SHLD2: variants seen among roughly 807,000 people sequenced by gnomAD.
SHLD2 encodes RINN1-REV7-interacting novel NHEJ regulator 2.
SHLD2 carries 30 observed loss-of-function variants against 73.2 expected under a neutral mutation model. The ratio of observed to expected loss-of-function variants is 0.41; its 90% CI spans 0.31 to 0.56. SHLD2 has a LOEUF of 0.56. Ranked by LOEUF, SHLD2 falls within the 20% of genes least tolerant of loss-of-function variation. The probability of loss-of-function intolerance (pLI) is 0.28; values close to 1 mark genes in which losing one functional copy is unlikely to be tolerated. For synonymous variants in SHLD2, 285 were observed against 370.1 expected, an observed-to-expected ratio of 0.77 and a Z score of 2.64; for missense variants, 745 against 1,055.9, an observed-to-expected ratio of 0.71 and a Z score of 4.08.
intron 3 of SHLD2, among the ~76,000 whole-genome samples, chr10:87,155,093 C>T (rs765280940): frequency 2.0e-5 from 3 of 152,074 alleles, no homozygotes; most frequent in African/African-American, 7.3e-5. Flanking sequence ...TGCCACCGCG[C>T]GCGGCTAATT....
chr10:87,189,039 T>C (rs1239604792), intron 9 of SHLD2, among the ~76,000 whole-genome samples: 3 of 151,720 alleles, frequency 2.0e-5, no homozygotes, highest in Admixed American at 6.6e-5. Flanking sequence ...TTTGCTCTTG[T>C]TGCCTAGACT....
At chr10:87,100,479 GT>G (rs140323729) in intron 2 of SHLD2, among the ~76,000 whole-genome samples, 195 of 138,734 alleles carry the variant, frequency 1.4e-3, no homozygotes, top group Admixed American at 2.4e-3. Flanking sequence ...GATTACGCCA[GT>G]TTTTTTTTTT....
intron 2 of SHLD2, among the ~76,000 whole-genome samples, chr10:87,143,081 C>T (rs1429983917): frequency 6.6e-6 from 1 of 151,722 alleles, no homozygotes; most frequent in Admixed American, 6.6e-5. Context: ...AGGCACATAC[C>T]ACCCTACCCA....
chr10:87,129,794 T>C (rs1028587552), intron 2 of SHLD2, among the ~76,000 whole-genome samples: 88 of 151,884 alleles, frequency 5.8e-4, no homozygotes, highest in African/African-American at 2.0e-3. Flanking sequence ...CTAACTTTTT[T>C]GATTTTTAGT....
chr10:87,107,519 A>G (rs1316376436), intron 2 of SHLD2, among the ~76,000 whole-genome samples: 1 of 152,248 alleles, frequency 6.6e-6, no homozygotes, highest in Non-Finnish European at 1.5e-5. Flanking sequence ...AAAAGAAGAA[A>G]CATTTAAACT....
intron 8 of SHLD2, among the ~76,000 whole-genome samples, chr10:87,186,350 G>A (rs1465627045): frequency 9.9e-5 from 15 of 152,162 alleles, no homozygotes; most frequent in Non-Finnish European, 1.9e-4. Context: ...TTATAAAATA[G>A]GTACCACATG....
At chr10:87,112,646 ATGAT>A (rs1843001007) in intron 2 of SHLD2, among the ~76,000 whole-genome samples, 1 of 151,684 alleles carries the variant, frequency 6.6e-6, no homozygotes, top group Non-Finnish European at 1.5e-5. Flanking sequence ...AAAATAATAA[ATGAT>A]AATAATAATA....
chr10:87,167,198 G>A (rs1329143499), intron 4 of SHLD2, among the ~76,000 whole-genome samples: 2 of 152,064 alleles, frequency 1.3e-5, no homozygotes, highest in East Asian at 1.9e-4. Context: ...ACAAAATTCT[G>A]GATGGAGAAT....
chr10:87,099,108 A>G (rs988447291), intron 2 of SHLD2, among the ~76,000 whole-genome samples: 1 of 152,226 alleles, frequency 6.6e-6, no homozygotes, highest in African/African-American at 2.4e-5. Context: ...GTAATTTCCC[A>G]TTCAAACGAA....
At chr10:87,159,839 G>T (rs778287303) in intron 4 of SHLD2, among the ~76,000 whole-genome samples, 5 of 152,114 alleles carry the variant, frequency 3.3e-5, no homozygotes, top group Admixed American at 2.0e-4. Context: ...ATGTTTCAAG[G>T]CATGTTAAGT....
intron 2 of SHLD2, among the ~76,000 whole-genome samples, chr10:87,112,565 G>T (rs534877205): frequency 6.6e-6 from 1 of 151,708 alleles, no homozygotes; most frequent in Non-Finnish European, 1.5e-5. Flanking sequence ...AGCCTGTGCC[G>T]TCGAGGCTGC....
intron 2 of SHLD2, among the ~76,000 whole-genome samples, chr10:87,148,843 T>C (rs1036664799): frequency 5.9e-5 from 9 of 151,964 alleles, no homozygotes; most frequent in Non-Finnish European, 1.2e-4. Flanking sequence ...ATGGTAATGT[T>C]ATGCATTTGA....
At chr10:87,115,136 C>T (rs186897243) in intron 2 of SHLD2, among the ~76,000 whole-genome samples, 9 of 152,208 alleles carry the variant, frequency 5.9e-5, no homozygotes, top group Admixed American at 2.0e-4. Context: ...CTGCAACCTC[C>T]GCCTCCGGGG....
intron 2 of SHLD2, among the ~76,000 whole-genome samples, chr10:87,120,134 A>T (rs1347958025): frequency 2.0e-5 from 3 of 152,102 alleles, no homozygotes; most frequent in Admixed American, 1.3e-4. Flanking sequence ...AACTTCGGTA[A>T]CCTTGAAGGT....
At chr10:87,167,828 A>G (rs1217873859) in intron 4 of SHLD2, among the ~76,000 whole-genome samples, 1 of 152,080 alleles carries the variant, frequency 6.6e-6, no homozygotes, top group Non-Finnish European at 1.5e-5. Context: ...TATTTTTTGT[A>G]GAGACCAGGT....
intron 3 of SHLD2, among the ~76,000 whole-genome samples, chr10:87,157,323 A>G (rs1346712940): frequency 2.0e-5 from 3 of 152,158 alleles, no homozygotes; most frequent in Non-Finnish European, 4.4e-5. Flanking sequence ...ACATTATTTC[A>G]CTATTGTTAA....
chr10:87,096,173 T>A (rs1041621125), intron 1 of SHLD2, among the ~76,000 whole-genome samples: 4 of 151,740 alleles, frequency 2.6e-5, no homozygotes, highest in African/African-American at 9.7e-5. Flanking sequence ...AGCCTCGGGG[T>A]AGCTGGGATT....
chr10:87,102,765 A>G (rs1197356603), intron 2 of SHLD2, among the ~76,000 whole-genome samples: 2 of 152,242 alleles, frequency 1.3e-5, no homozygotes, highest in East Asian at 1.9e-4. Flanking sequence ...CGGTTTCCCT[A>G]TGTTGCCTAG....
rs570011361 is a variant in SHLD2, at chr10:87,140,222, C to A, written c.-5-11128C>A. Among the ~76,000 whole-genome samples, 9 of 151,918 alleles carry A rather than the reference C, an allele frequency of 5.9e-5. No homozygotes were observed. In the East Asian group the frequency reaches 1.2e-3, roughly 20 times the overall value. On this transcript the variant is annotated intron_variant, in intron 2 of 9. Transcript: ENST00000298786. The stretch of plus-strand genomic sequence containing the variant: ...ATCATTTGAGATCAGGAATTTGAGA[C>A]CAGCCTGTCCAACATGGTGAAATCT...
Sources: gnomAD v4.1 joint callset for allele counts (sites outside exome capture counted in the v4.1 genomes callset) on GRCh38, gnomAD v4.1.1 for gene constraint, MANE v1.5 for transcripts, NCBI Gene and HGNC (gene_info 2026-07-23, HGNC 2026-07-21) for gene names.